Variants in JHY observed in about 807,000 individuals in gnomAD.
The protein encoded by JHY is jhy protein homolog.
In JHY, 69 loss-of-function variants were observed where a neutral mutation model predicts 78.0. That is an observed-to-expected ratio of 0.88 (90% CI 0.73 to 1.08). JHY has a LOEUF of 1.08. JHY is among the 50% of genes least tolerant of loss of function. JHY has a pLI of 0.00. For synonymous variants in JHY, 368 were observed against 342.6 expected, an observed-to-expected ratio of 1.07 and a Z score of -0.82; for missense variants, 944 against 927.8, an observed-to-expected ratio of 1.02 and a Z score of -0.23.
At chr11:122,939,623 GT>G (rs1472499273) in intron 5 of JHY, among the ~76,000 whole-genome samples, 1 of 152,026 alleles carries the variant, frequency 6.6e-6, no homozygotes, top group African/African-American at 2.4e-5. Context: ...ATTCTGCCAC[GT>G]TTTTTCTACC....
intron 5 of JHY, among the ~76,000 whole-genome samples, chr11:122,944,920 C>G (rs1863934477): frequency 6.6e-6 from 1 of 152,026 alleles, no homozygotes; most frequent in Non-Finnish European, 1.5e-5. Flanking sequence ...AGTGTTTCCT[C>G]TGGTTTTGGT....
At chr11:122,940,421 T>G (rs920904365) in intron 5 of JHY, among the ~76,000 whole-genome samples, 11 of 152,140 alleles carry the variant, frequency 7.2e-5, no homozygotes, top group African/African-American at 2.4e-4. Context: ...TAGAAAAAAT[T>G]TATTGTTTTT....
At chr11:122,896,290 C>G (rs1020934409) in intron 2 of JHY, among the ~76,000 whole-genome samples, 2 of 130,546 alleles carry the variant, frequency 1.5e-5, no homozygotes, top group African/African-American at 5.8e-5. Flanking sequence ...TTGCAGTGAG[C>G]TGAGATCGCA....
At chr11:122,890,012 G>A (rs1164041449) in intron 2 of JHY, among the ~76,000 whole-genome samples, 3 of 151,564 alleles carry the variant, frequency 2.0e-5, no homozygotes, top group Admixed American at 2.0e-4. Flanking sequence ...CTCCCAAAGT[G>A]CTAGGATTAC....
intron 2 of JHY, among the ~76,000 whole-genome samples, chr11:122,891,437 C>T (rs764703549): frequency 2.0e-5 from 3 of 152,052 alleles, no homozygotes; most frequent in African/African-American, 2.4e-5. Context: ...GGGATCTTCA[C>T]GTGATAATCC....
rs1465366322 is a variant in JHY, at chr11:122,917,352, G to A, written c.865-7545G>A. Among the ~76,000 whole-genome samples, 1 of 152,236 alleles carries A rather than the reference G, an allele frequency of 6.6e-6. No homozygotes were observed. Among genetic ancestry groups the A allele is most frequent in the Non-Finnish European group, 1.5e-5 (1 of 68,028 alleles). ...TGCTGTAGTTGTATGTGGCTAGATT[G>A]TGAGGATGAGAATATGGATATTTAG... On this transcript the variant is annotated intron_variant, in intron 3 of 8. Transcript: ENST00000227349. This position sits in a 1 kb window ranked among gnomAD's most constrained non-coding sequence, Gnocchi z 4.1.
At chr11:122,943,057 T>C (rs7130015) in intron 5 of JHY, among the ~76,000 whole-genome samples, 35,422 of 152,044 alleles carry the variant, frequency 0.23, 4,542 homozygotes, top group Middle Eastern at 0.3. Flanking sequence ...AAAATTTATT[T>C]GGAGACAGGG....
chr11:122,889,101 A>T (rs1038026492), intron 2 of JHY, among the ~76,000 whole-genome samples: 8 of 152,212 alleles, frequency 5.3e-5, no homozygotes, highest in African/African-American at 1.4e-4. Flanking sequence ...ACCAGTCCTC[A>T]GAATTACTGT....
At chr11:122,944,285 G>A (rs78739457) in intron 5 of JHY, among the ~76,000 whole-genome samples, 2,774 of 152,144 alleles carry the variant, frequency 0.018, 78 homozygotes, top group South Asian at 0.11. Flanking sequence ...TTGTCCTTCC[G>A]AATCACCCTA....
Position 122,959,596 on chromosome 11 carries a change from G to T in JHY, c.*151G>T. ...GCTTTCTGCAGGATTTAAAATATGA[G>T]GCCCAATTGGATTATGGTGCCATAT... On this transcript the variant is annotated 3_prime_UTR_variant, in exon 9 of 9. Coordinates refer to ENST00000227349, the MANE Select transcript of JHY (RefSeq NM_024806.4). The T allele has an allele frequency of 1.4e-6, 1 of 711,384 alleles. No individual in the cohort carries two copies. The highest frequency in any genetic ancestry group is 2.2e-6 in the Non-Finnish European group (1 of 445,256). 44.1% of individuals were successfully genotyped at this position (711,384 alleles called of 1,614,324 possible).
rs79972016 is a variant in JHY, at chr11:122,962,937, G to A, written c.*3492G>A. 0.11 allele frequency among the ~76,000 whole-genome samples: 17,099 copies of A among 152,084 alleles called. 1,005 individuals carry two copies. The highest frequency in any genetic ancestry group is 0.19 in the East Asian group (971 of 5,166). The stretch of plus-strand genomic sequence containing the variant: ...TTGTCTATGGAAAGAGGTTGTCCTT[G>A]TTTCTCTGTGTGGATGAGCAACATA... On this transcript the variant is annotated 3_prime_UTR_variant, in exon 9 of 9. Transcript: ENST00000227349.
At chr11:122,912,388 A>G (rs1418970777) in intron 3 of JHY, among the ~76,000 whole-genome samples, 1 of 152,142 alleles carries the variant, frequency 6.6e-6, no homozygotes, top group Non-Finnish European at 1.5e-5. Context: ...ATGGATAAGA[A>G]AGAGAAAAGT....
chr11:122,929,772 A>G (rs1439964621), intron 4 of JHY, among the ~76,000 whole-genome samples: 1 of 152,236 alleles, frequency 6.6e-6, no homozygotes, highest in Non-Finnish European at 1.5e-5. Context: ...AGTGACAGAG[A>G]AAATGATGAA....
chr11:122,905,653 A>AG, intron 3 of JHY: 3 of 926,076 alleles, frequency 3.2e-6, no homozygotes, highest in Non-Finnish European at 3.9e-6. Context: ...GGATCACTTG[A>AG]GGCCACGAGT....
chr11:122,963,496 A>G lies in JHY; in HGVS notation c.*4051A>G, dbSNP rs541004492. Among the ~76,000 whole-genome samples the G allele has an allele frequency of 6.6e-6, 1 of 152,328 alleles. No individual in the cohort carries two copies. The highest frequency in any genetic ancestry group is 2.4e-5 in the African/African-American group (1 of 41,588). ...GTGGCCCTTCATTTGGCTCCACGTC[A>G]TCTCACAATAGTGAAATACAGCAGA... On this transcript the variant is annotated 3_prime_UTR_variant, in exon 9 of 9. Transcript: ENST00000227349.
chr11:122,925,086 T>C, intron 4 of JHY, 76 bp downstream of exon 4: 1 of 1,148,696 alleles, frequency 8.7e-7, no homozygotes, highest in South Asian at 1.3e-5. Flanking sequence ...GACTGAGTTC[T>C]TATCACTTAA....
rs1417949657 is a variant in JHY, at chr11:122,959,465, A to G, written c.*20A>G. 5.6e-6 allele frequency: 9 copies of G among 1,610,698 alleles called. No individual in the cohort carries two copies. Among genetic ancestry groups the G allele is most frequent in the African/African-American group, 2.7e-5 (2 of 74,786 alleles). The stretch of plus-strand genomic sequence containing the variant: ...GTATAGACAACATTTGATAGGAAGG[A>G]GACCAAAAATGGTCCAGGAATGAAC... On this transcript the variant is annotated 3_prime_UTR_variant, in exon 9 of 9. Coordinates refer to ENST00000227349, the MANE Select transcript of JHY (RefSeq NM_024806.4).
chr11:122,929,003 G>A (rs1222413608), intron 4 of JHY, among the ~76,000 whole-genome samples: 1 of 151,734 alleles, frequency 6.6e-6, no homozygotes, highest in East Asian at 1.9e-4. Flanking sequence ...GGAGTGCAAT[G>A]GCACAATCTC....
At chr11:122,956,451 C>A (rs759251509) in intron 6 of JHY, 45 bp from the exon 7 acceptor site, 4 of 1,572,040 alleles carry the variant, frequency 2.5e-6, no homozygotes, top group Non-Finnish European at 2.6e-6. Context: ...AGTCGGGGGA[C>A]ACACAAGTCC....
Sources: allele counts gnomAD v4.1 joint callset (sites outside exome capture counted in the v4.1 genomes callset), GRCh38; gene constraint gnomAD v4.1.1; non-coding constraint Gnocchi (gnomAD v3.1); transcripts MANE v1.5; gene names NCBI Gene and HGNC (gene_info 2026-07-23, HGNC 2026-07-21).